Variants in TAOK1 observed in about 807,000 individuals in gnomAD.
TAOK1 encodes the protein TAO kinase 1, also known as serine/threonine-protein kinase TAO1.
A neutral mutation model predicts 138.3 loss-of-function variants in TAOK1; 21 were observed. The observed-to-expected ratio is 0.15, with a 90% CI of 0.11 to 0.22. The LOEUF (loss-of-function observed/expected upper bound fraction) is 0.22, where lower values mean the gene tolerates loss of function less well. TAOK1 is among the 10% of genes least tolerant of loss of function. The pLI, the probability that TAOK1 is intolerant of heterozygous loss-of-function variation, is 1.00. For missense variants in TAOK1, 651 were observed against 1,227.7 expected (o/e 0.53, Z 7.02); for synonymous variants, 361 against 398.4 (o/e 0.91, Z 1.12).
At chr17:29,439,696 G>A (rs1906151831) in intron 1 of TAOK1, among the ~76,000 whole-genome samples, 1 of 151,786 alleles carries the variant, frequency 6.6e-6, no homozygotes, top group Non-Finnish European at 1.5e-5. Flanking sequence ...AATCATTCTT[G>A]TTAGATTTTT....
intron 1 of TAOK1, among the ~76,000 whole-genome samples, chr17:29,403,241 T>C (rs1904902084): frequency 6.6e-6 from 1 of 151,990 alleles, no homozygotes; most frequent in African/African-American, 2.4e-5. Flanking sequence ...TAGTTGATGT[T>C]TTTAATTCAC....
At chr17:29,469,915 A>G (rs2030773915) in intron 3 of TAOK1, among the ~76,000 whole-genome samples, 1 of 152,150 alleles carries the variant, frequency 6.6e-6, no homozygotes, top group Non-Finnish European at 1.5e-5. Context: ...TATCTTCCAC[A>G]TTTTACACAA....
At chr17:29,397,653 T>TACATGTATACATGTAC (rs1567706711) in intron 1 of TAOK1, among the ~76,000 whole-genome samples, 1 of 131,422 alleles carries the variant, frequency 7.6e-6, no homozygotes, top group South Asian at 2.7e-4. Flanking sequence ...TATATATGTA[T>TACATGTATACATGTAC]ATTCATGTAT....
intron 1 of TAOK1, among the ~76,000 whole-genome samples, chr17:29,428,782 C>T (rs1415682840): frequency 7.7e-6 from 1 of 130,456 alleles, no homozygotes; most frequent in Non-Finnish European, 1.6e-5. Flanking sequence ...CACCACAACA[C>T]CTGACTAAAT....
intron 8 of TAOK1, among the ~76,000 whole-genome samples, chr17:29,487,120 A>G (rs750476287): frequency 6.6e-6 from 1 of 151,986 alleles, no homozygotes; most frequent in Admixed American, 6.6e-5. Flanking sequence ...ATGGTGGCCC[A>G]TGCCTGTAGT....
In TAOK1 at chr17:29,451,540, C is replaced by T; in HGVS notation, c.-9C>T. 6 of 1,607,600 alleles carry T rather than the reference C, an allele frequency of 3.7e-6. No homozygotes were observed. Among genetic ancestry groups the T allele is most frequent in the Non-Finnish European group, 5.1e-6 (6 of 1,177,350 alleles). ...AAATTAGAATCAAGACAGCTGACTG[C>T]TCAGCAGGATGCCATCAACTAACAG... On this transcript the variant is annotated 5_prime_UTR_variant, in exon 2 of 20. Transcript: ENST00000261716.
chr17:29,437,319 C>T (rs2153023123), intron 1 of TAOK1, among the ~76,000 whole-genome samples: 1 of 152,122 alleles, frequency 6.6e-6, no homozygotes, highest in East Asian at 1.9e-4. Flanking sequence ...GCCTTGGCCT[C>T]CAAAAGCACT....
intron 17 of TAOK1, among the ~76,000 whole-genome samples, chr17:29,526,556 C>T (rs1193642862): frequency 1.3e-5 from 2 of 152,010 alleles, no homozygotes; most frequent in Admixed American, 6.6e-5. Flanking sequence ...GCTGTGATTA[C>T]AGGCATGCAC....
rs143932180 is a variant in TAOK1 at position 29,457,124 on chromosome 17, C to T, written c.132+5444C>T. Reference sequence around the variant, plus strand: ...TTTTTTTTTTTTTGAGACAGAGTCTCACTCTGTCTCTGTCTCCCAGGCTGC... The same window carrying T: ...TTTTTTTTTTTTTGAGACAGAGTCTTACTCTGTCTCTGTCTCCCAGGCTGC... On this transcript the variant is annotated intron_variant, in intron 2 of 19. Transcript: ENST00000261716. Among the ~76,000 whole-genome samples, 533 of 114,748 alleles carry T rather than the reference C, an allele frequency of 4.6e-3. 23 individuals carry two copies. Among genetic ancestry groups the T allele is most frequent in the African/African-American group, 0.019 (511 of 26,956 alleles). 75.3% of individuals were successfully genotyped at this position (114,748 alleles called of 152,430 possible).
rs2032434548 is a variant in TAOK1, at chr17:29,548,288, G to GAAA, written c.*5267_*5268insAAA. 6.6e-6 allele frequency: 1 copy of GAAA among 152,066 alleles called. No homozygotes were observed. Among genetic ancestry groups the GAAA allele is most frequent in the African/African-American group, 2.4e-5 (1 of 41,426 alleles). The allele number at this position is 152,066 out of a possible 1,614,324, so 9.4% of individuals were successfully genotyped here. A position where few individuals can be genotyped will look rare whatever the true frequency, so the allele number is the denominator to read the frequency against. ...AACTTGCACTTCCTACCCACCCAAA[G>GAAA]ATAGATATCCTTTAAAGAAAATAAA... On this transcript the variant is annotated 3_prime_UTR_variant, in exon 20 of 20. Coordinates refer to ENST00000261716, the MANE Select transcript of TAOK1 (RefSeq NM_020791.4).
At chr17:29,496,772 A>G (rs1329637119) in intron 11 of TAOK1, among the ~76,000 whole-genome samples, 4 of 119,726 alleles carry the variant, frequency 3.3e-5, no homozygotes, top group Non-Finnish European at 8.0e-5. Flanking sequence ...TGTTTAGTAG[A>G]GACCGGTTTC....
chr17:29,435,698 C>G (rs1489385542), intron 1 of TAOK1, among the ~76,000 whole-genome samples: 2 of 152,202 alleles, frequency 1.3e-5, no homozygotes, highest in Non-Finnish European at 2.9e-5. Context: ...AGTTCGACTT[C>G]GAGCTTGACT....
intron 13 of TAOK1, among the ~76,000 whole-genome samples, chr17:29,503,934 A>G (rs1270928057): frequency 3.3e-5 from 5 of 152,104 alleles, no homozygotes; most frequent in Admixed American, 6.5e-5. Flanking sequence ...AACATGGCGA[A>G]ACCCCGTCTC....
chr17:29,430,213 A>G (rs927666558), intron 1 of TAOK1, among the ~76,000 whole-genome samples: 1 of 152,200 alleles, frequency 6.6e-6, no homozygotes, highest in African/African-American at 2.4e-5. Flanking sequence ...ATGAAAGTAC[A>G]CTCCACAGTG....
At chr17:29,538,565 A>G (rs1217615557) in intron 19 of TAOK1, among the ~76,000 whole-genome samples, 1 of 152,216 alleles carries the variant, frequency 6.6e-6, no homozygotes, top group Non-Finnish European at 1.5e-5. Context: ...TGATTTCTGC[A>G]CTTTATGCTT....
intron 12 of TAOK1, among the ~76,000 whole-genome samples, chr17:29,500,028 C>T (rs560074169): frequency 1.3e-5 from 2 of 152,248 alleles, no homozygotes; most frequent in Admixed American, 6.5e-5. Context: ...AACAGGAATG[C>T]TAAGGCTGGG....
intron 1 of TAOK1, among the ~76,000 whole-genome samples, chr17:29,400,390 C>CAAAAA (rs565898026): frequency 1.2e-5 from 1 of 81,992 alleles, no homozygotes; most frequent in Non-Finnish European, 2.7e-5. Flanking sequence ...AACTCCGTCT[C>CAAAAA]AAAAAAAAAA....
At chr17:29,537,005 A>G (rs2032234901) in intron 19 of TAOK1, among the ~76,000 whole-genome samples, 1 of 152,070 alleles carries the variant, frequency 6.6e-6, no homozygotes. Flanking sequence ...CGGCCATCTC[A>G]TTCCATCTTT....
intron 1 of TAOK1, among the ~76,000 whole-genome samples, chr17:29,391,731 A>G (rs916952324): frequency 1.3e-5 from 2 of 152,026 alleles, no homozygotes; most frequent in African/African-American, 2.4e-5. Context: ...TTCTGGTGTT[A>G]TTGTTGGGGG....
Sources: gnomAD v4.1 joint callset for allele counts (sites outside exome capture counted in the v4.1 genomes callset) on GRCh38, gnomAD v4.1.1 for gene constraint, MANE v1.5 for transcripts, NCBI Gene and HGNC (gene_info 2026-07-23, HGNC 2026-07-21) for gene names.